Variants in SNX11 observed in about 807,000 individuals in gnomAD.
The protein encoded by SNX11 is sorting nexin-11.
SNX11 carries 19 observed loss-of-function variants against 30.7 expected under a neutral mutation model. The ratio of observed to expected loss-of-function variants is 0.62; its 90% confidence interval spans 0.43 to 0.91. SNX11 has a LOEUF of 0.91. Among genes scored for constraint, SNX11 ranks in the 40% least tolerant of loss-of-function variants. SNX11 has a pLI of 0.00. For synonymous variants in SNX11, 112 were observed against 119.0 expected (o/e 0.94, Z 0.38); for missense variants, 302 against 326.7 (o/e 0.92, Z 0.58).
In SNX11 at chr17:48,121,613, G is replaced by A; in HGVS notation, c.*105G>A. 2.5e-6 allele frequency: 3 copies of A among 1,211,884 alleles called. No individual in the cohort carries two copies. The highest frequency in any genetic ancestry group is 1.4e-5 in the South Asian group (1 of 70,408). 75.1% of individuals were successfully genotyped at this position (1,211,884 alleles called of 1,614,324 possible). ...TATGTGGGAGGCTGGGCTGCTTAGT[G>A]TCTTCTAGTCACCTCTGCTTGGGCT... On this transcript the variant is annotated 3_prime_UTR_variant, in exon 7 of 7. Transcript: ENST00000359238.
chr17:48,112,535 C>G, intron 2 of SNX11, 39 bp from the exon 3 acceptor site: 1 of 1,388,552 alleles, frequency 7.2e-7, no homozygotes. Flanking sequence ...AGCTGCCTTG[C>G]TGTGTAGCTG....
chr17:48,119,316 T>C lies in SNX11; in HGVS notation c.539+130T>C, dbSNP rs976190885. The C allele has an allele frequency of 9.0e-5, 66 of 737,020 alleles. 2 individuals carry two copies. In the Middle Eastern group the frequency reaches 1.5e-3, roughly 17 times the overall value. The allele number at this position is 737,020 out of a possible 1,614,324, so 45.7% of individuals were successfully genotyped here. On this transcript the variant is annotated intron_variant, in intron 6 of 6. Transcript: ENST00000359238. The stretch of plus-strand genomic sequence containing the variant: ...TTCACAACCTTTCTTGTTCTTTGGG[T>C]GCGTGGCTTTCTATCCAGGTGGGTC...
chr17:48,108,008 GA>G (rs1326898014), intron 1 of SNX11, 170 bp downstream of exon 1: 8 of 152,206 alleles, frequency 5.3e-5, no homozygotes, highest in Admixed American at 5.2e-4. Flanking sequence ...TCCAAGAAAG[GA>G]AACCCGGCTT....
chr17:48,121,287 A>G lies in SNX11; in HGVS notation c.592A>G (p.Ser198Gly), dbSNP rs2063599497. The change falls in exon 7 of 7, where the codon AGT (serine) becomes GGT (glycine). Residue 198 changes from serine to glycine, a missense_variant. Coordinates refer to ENST00000359238, the MANE Select transcript of SNX11 (RefSeq NM_013323.3). ...GAGGAGCTCTCCCTCACCGCCTCCC[A>G]GTGAAGAAAAGGACCATTTAGAAGT... ...GRRSSPSPPP[S>G]EEKDHLEVWA... 6.2e-7 allele frequency: 1 copy of G among 1,614,056 alleles called. No homozygotes were observed.
intron 2 of SNX11, 82 bp downstream of exon 2, chr17:48,112,167 C>A: frequency 8.2e-7 from 1 of 1,223,274 alleles, no homozygotes; most frequent in Non-Finnish European, 1.2e-6. Flanking sequence ...AGATGCAAAT[C>A]ATTAATTATT....
chr17:48,116,690 C>T (rs1187186752), intron 4 of SNX11, among the ~76,000 whole-genome samples: 7 of 151,608 alleles, frequency 4.6e-5, no homozygotes, highest in Non-Finnish European at 8.8e-5. Flanking sequence ...GCCTCAGCCT[C>T]CTGAGCAGTT....
At chr17:48,110,727 G>A (rs1391870495) in intron 1 of SNX11, 1 of 152,654 alleles carries the variant, frequency 6.6e-6, no homozygotes, top group Non-Finnish European at 1.5e-5. Context: ...TGGATCATTT[G>A]TTGGCAGTAC....
rs891392198 is a variant in SNX11 at position 48,123,506 on chromosome 17, G to A, written c.*1998G>A. Among the ~76,000 whole-genome samples, 2 of 152,066 alleles carry A rather than the reference G, an allele frequency of 1.3e-5. No homozygotes were observed. Among genetic ancestry groups the A allele is most frequent in the Non-Finnish European group, 2.9e-5 (2 of 68,020 alleles). Reference sequence around the variant, plus strand: ...TGCTCAGCAGCTAGTTCTGCCAGCCGGCTAGGCTGCTGGGACAGCAGGAGC... The same window carrying A: ...TGCTCAGCAGCTAGTTCTGCCAGCCAGCTAGGCTGCTGGGACAGCAGGAGC... On this transcript the variant is annotated 3_prime_UTR_variant, in exon 7 of 7. Transcript: ENST00000359238.
chr17:48,109,343 T>G (rs2063467552), intron 1 of SNX11, among the ~76,000 whole-genome samples: 2 of 147,702 alleles, frequency 1.4e-5, no homozygotes, highest in Admixed American at 1.4e-4. Flanking sequence ...CACTGCAACC[T>G]CCACCTCCTG....
At position 48,118,577 on chromosome 17, in the gene SNX11, CAAAAA is replaced by C. The variant is rs35405067; in HGVS notation, c.231-115_231-111del. ...TGGGCGACAGAGCGAGACTCCATCT[CAAAAA>C]AAAAAAAAAAAGCTATTTGTATTGA... is the stretch of plus-strand genomic sequence containing the variant. On this transcript the variant is annotated intron_variant, in intron 4 of 6. Transcript: ENST00000359238. 8.1e-5 allele frequency: 39 copies of C among 484,408 alleles called. 1 individual carries two copies. The Middle Eastern group carries it at 4.5e-3, about 56-fold the overall frequency. The allele number at this position is 484,408 out of a possible 1,614,324, so 30.0% of individuals were successfully genotyped here.
intron 6 of SNX11, among the ~76,000 whole-genome samples, chr17:48,120,801 C>T (rs1250028225): frequency 1.3e-5 from 2 of 151,790 alleles, no homozygotes; most frequent in East Asian, 3.9e-4. Flanking sequence ...TGAGCCACCA[C>T]GCCCGGCCTC....
At chr17:48,121,166 A>T in intron 6 of SNX11, 69 bp from the exon 7 acceptor site, 1 of 1,505,740 alleles carries the variant, frequency 6.6e-7, no homozygotes, top group South Asian at 1.2e-5. Flanking sequence ...ATTTTTTTGT[A>T]GAGACGGAGT....
At chr17:48,117,456 C>T (rs1282720472) in intron 4 of SNX11, among the ~76,000 whole-genome samples, 5 of 151,726 alleles carry the variant, frequency 3.3e-5, no homozygotes, top group South Asian at 4.2e-4. Context: ...GGGGTTTCAC[C>T]GTGTTAGCCA....
rs2063510464 is a variant in SNX11 at position 48,113,401 on chromosome 17, T to C, written c.230T>C (p.Val77Ala). 1.2e-6 allele frequency: 2 copies of C among 1,612,102 alleles called. No homozygotes were observed. Among genetic ancestry groups the C allele is most frequent in the African/African-American group, 2.7e-5 (2 of 74,868 alleles). Residue 77 changes from valine (V) to alanine (A), a missense_variant and splice_region_variant, in exon 4 of 7, where the codon GTG (valine) becomes GCG (alanine). Transcript: ENST00000359238. ...CAGCTACAGAGAAATGCTGGTTTGG[T>C]GTGAGTTTGCTCTTGCTTCCTTCTT... is the stretch of plus-strand genomic sequence containing the variant. ...RKQLQRNAGL[V>A]PVPELPGKST...
rs753586513 is a variant in SNX11 at position 48,113,379 on chromosome 17, C to T, written c.208C>T (p.Leu70=). Residue 70 remains leucine (L), a synonymous_variant, in exon 4 of 7, where the codon CTA becomes TTA. Coordinates refer to ENST00000359238, the MANE Select transcript of SNX11 (RefSeq NM_013323.3). ...TGAGTTCGTGTGGCTGAGAAAGCAG[C>T]TACAGAGAAATGCTGGTTTGGTGTG... is the stretch of plus-strand genomic sequence containing the variant. ...YREFVWLRKQ[L]QRNAGLVPVP... The T allele has an allele frequency of 1.9e-6, 3 of 1,613,600 alleles. No homozygotes were observed. The highest frequency in any genetic ancestry group is 1.1e-5 in the South Asian group (1 of 91,064).
intron 1 of SNX11, among the ~76,000 whole-genome samples, chr17:48,108,932 G>T (rs1036264681): frequency 2.0e-5 from 3 of 152,126 alleles, no homozygotes; most frequent in Non-Finnish European, 4.4e-5. Flanking sequence ...TTGTTCCAGT[G>T]TTTATTTGTT....
chr17:48,120,100 G>GT (rs2063583198), intron 6 of SNX11, among the ~76,000 whole-genome samples: 1 of 147,848 alleles, frequency 6.8e-6, no homozygotes, highest in Non-Finnish European at 1.5e-5. Context: ...CTTCATTACT[G>GT]TTTTTTTCTC....
At chr17:48,118,833 AGGGTGGAGGCAG>A (rs1458755462) in intron 5 of SNX11, 34 bp downstream of exon 5, 13 of 1,589,872 alleles carry the variant, frequency 8.2e-6, no homozygotes, top group South Asian at 2.2e-5. Context: ...CTGGCCACCA[AGGGTGGAGGCAG>A]GGGTGGAGGA....
In SNX11 at chr17:48,121,398, G is replaced by C; in HGVS notation, c.703G>C (p.Gly235Arg). 6.2e-7 allele frequency: 1 copy of C among 1,614,166 alleles called. No homozygotes were observed. Among genetic ancestry groups the C allele is most frequent in the Non-Finnish European group, 8.5e-7 (1 of 1,180,036 alleles). The change falls in exon 7 of 7, where the codon GGA becomes CGA. Residue 235 changes from glycine to arginine, a missense_variant. By Grantham distance (125) the Gly-to-Arg change is moderately radical. Transcript: ENST00000359238. Reference protein sequence around the residue: ...PLSSPLCCDFGRPKEGTSTLQ... With the variant: ...PLSSPLCCDFRRPKEGTSTLQ... ...CTCCTCACCATTATGCTGTGATTTT[G>C]GAAGACCCAAAGAGGGAACCTCCAC...
Sources: allele counts gnomAD v4.1 joint callset (sites outside exome capture counted in the v4.1 genomes callset), GRCh38; gene constraint gnomAD v4.1.1; transcripts MANE v1.5; gene names NCBI Gene and HGNC (gene_info 2026-07-23, HGNC 2026-07-21).